UBAC2: variants seen among roughly 807,000 people sequenced by gnomAD.
UBAC2 encodes UBA domain containing 2.
In UBAC2, 26 loss-of-function variants were observed where a neutral mutation model predicts 44.0. The ratio of observed to expected loss-of-function variants is 0.59; its 90% CI spans 0.43 to 0.82. The LOEUF is 0.82. UBAC2 is among the 40% of genes least tolerant of loss of function. The probability of loss-of-function intolerance (pLI) is 0.00; values close to 1 mark genes in which losing one functional copy is unlikely to be tolerated. For missense variants in UBAC2, 329 were observed against 419.4 expected (o/e 0.78, Z 1.88); for synonymous variants, 155 against 154.3 (o/e 1.00, Z -0.04).
At chr13:99,283,776 C>G (rs1285080907) in intron 4 of UBAC2, among the ~76,000 whole-genome samples, 1 of 114,888 alleles carries the variant, frequency 8.7e-6, no homozygotes, top group African/African-American at 3.3e-5. Context: ...GCTCTTTTAC[C>G]CAGGCCAGAG....
chr13:99,345,343 A>C lies in UBAC2; in HGVS notation c.807+4778A>C, dbSNP rs2044957958. ...AGTTATCTCAGAAAAATGTCATTTT[A>C]TTGCACAGTGTAAGATGGACGGGGG... On this transcript the variant is annotated intron_variant, in intron 7 of 8. Coordinates refer to ENST00000403766, the MANE Select transcript of UBAC2 (RefSeq NM_001144072.2). 1.3e-5 allele frequency among the ~76,000 whole-genome samples: 2 copies of C among 152,116 alleles called. 1 individual carries two copies. Among genetic ancestry groups the C allele is most frequent in the African/African-American group, 4.8e-5 (2 of 41,376 alleles).
intron 1 of UBAC2, among the ~76,000 whole-genome samples, chr13:99,227,227 G>A (rs2043120798): frequency 6.6e-6 from 1 of 151,706 alleles, no homozygotes. Context: ...AAAAAAGACG[G>A]CACCCCTCCT....
intron 1 of UBAC2, among the ~76,000 whole-genome samples, chr13:99,210,560 C>G (rs1430297602): frequency 6.7e-6 from 1 of 148,712 alleles, no homozygotes; most frequent in Non-Finnish European, 1.5e-5. Flanking sequence ...TTGCTGCAAC[C>G]TCCGCCTCCT....
Position 99,292,296 on chromosome 13 carries a change from C to T in UBAC2, c.390-21801C>T, listed in dbSNP as rs538970678. On this transcript the variant is annotated intron_variant, in intron 4 of 8. Transcript: ENST00000403766. ...GACTACAGGCGCCCACCACCACGCC[C>T]AGCTAATTTTTTTTTTTTTGTATTT... 3.4e-5 allele frequency among the ~76,000 whole-genome samples: 5 copies of T among 149,102 alleles called. No homozygotes were observed. In the South Asian group the frequency reaches 8.5e-4, roughly 25 times the overall value.
chr13:99,363,250 T>A (rs2045289082), intron 7 of UBAC2, among the ~76,000 whole-genome samples: 1 of 152,212 alleles, frequency 6.6e-6, no homozygotes, highest in South Asian at 2.1e-4. Flanking sequence ...AGTCTAATAG[T>A]AAGTCCTAAT....
chr13:99,228,581 A>T (rs2043138161), intron 1 of UBAC2, among the ~76,000 whole-genome samples: 1 of 152,226 alleles, frequency 6.6e-6, no homozygotes, highest in South Asian at 2.1e-4. Context: ...GGCATGAGCC[A>T]CTGTGCCCAG....
At chr13:99,265,089 T>C (rs919069579) in intron 4 of UBAC2, among the ~76,000 whole-genome samples, 6 of 152,328 alleles carry the variant, frequency 3.9e-5, no homozygotes, top group African/African-American at 1.4e-4. Context: ...GTGTTGTTTT[T>C]TTCTTGGTAA....
At chr13:99,280,821 T>TC (rs749872494) in intron 4 of UBAC2, among the ~76,000 whole-genome samples, 2 of 138,594 alleles carry the variant, frequency 1.4e-5, no homozygotes, top group Non-Finnish European at 1.6e-5. Context: ...CTTCCTTCCT[T>TC]CTTCTTTCCC....
intron 4 of UBAC2, among the ~76,000 whole-genome samples, chr13:99,246,064 T>G (rs900339801): frequency 3.9e-5 from 6 of 152,230 alleles, no homozygotes; most frequent in Non-Finnish European, 5.9e-5. Context: ...TGAGAACTAT[T>G]AAGCTACTGT....
chr13:99,273,876 T>C (rs1460999215), intron 4 of UBAC2, among the ~76,000 whole-genome samples: 1 of 151,886 alleles, frequency 6.6e-6, no homozygotes, highest in Non-Finnish European at 1.5e-5. Context: ...TTTTTTTTTT[T>C]TTCCTGCTTT....
At chr13:99,213,597 T>G (rs2142661652) in intron 1 of UBAC2, among the ~76,000 whole-genome samples, 1 of 152,244 alleles carries the variant, frequency 6.6e-6, no homozygotes, top group Non-Finnish European at 1.5e-5. Context: ...TGACCTCAGG[T>G]GATCCGCACG....
chr13:99,242,578 G>A (rs1197371929), intron 2 of UBAC2, among the ~76,000 whole-genome samples: 56 of 137,726 alleles, frequency 4.1e-4, no homozygotes, highest in Non-Finnish European at 5.0e-4. Context: ...CAGTAGGGGC[G>A]GCCGGGCAGA....
intron 1 of UBAC2, among the ~76,000 whole-genome samples, chr13:99,214,223 G>GTTT (rs143401786): frequency 8.0e-6 from 1 of 125,674 alleles, no homozygotes; most frequent in African/African-American, 2.9e-5. Context: ...TCTTTGGTTT[G>GTTT]TTTTTTTTTT....
chr13:99,325,645 G>T (rs114399580), intron 6 of UBAC2, among the ~76,000 whole-genome samples: 29 of 152,158 alleles, frequency 1.9e-4, no homozygotes, highest in Admixed American at 2.6e-4. Flanking sequence ...GGAGCTTATC[G>T]CTCTTGCTTA....
chr13:99,255,876 A>T (rs2043545598), intron 4 of UBAC2: 1 of 1,543,172 alleles, frequency 6.5e-7, no homozygotes, highest in African/African-American at 1.4e-5. Flanking sequence ...TGATCATTTT[A>T]CAGCTTGTTG....
chr13:99,374,553 A>G (rs1189587771), intron 8 of UBAC2, among the ~76,000 whole-genome samples: 2 of 152,242 alleles, frequency 1.3e-5, no homozygotes, highest in Non-Finnish European at 2.9e-5. Flanking sequence ...GCTGATAAAT[A>G]GCAAAATGTA....
At chr13:99,323,283 A>C (rs930076618) in intron 6 of UBAC2, among the ~76,000 whole-genome samples, 5 of 152,280 alleles carry the variant, frequency 3.3e-5, no homozygotes, top group African/African-American at 1.2e-4. Context: ...AGTTCATTGA[A>C]AATGAGGACA....
At chr13:99,235,978 T>C (rs969402098) in intron 1 of UBAC2, among the ~76,000 whole-genome samples, 1 of 151,870 alleles carries the variant, frequency 6.6e-6, no homozygotes, top group Non-Finnish European at 1.5e-5. Flanking sequence ...AAAAAAAAAA[T>C]TGTGCTGGTA....
chr13:99,276,915 G>T (rs2043890907), intron 4 of UBAC2, among the ~76,000 whole-genome samples: 1 of 152,142 alleles, frequency 6.6e-6, no homozygotes, highest in Admixed American at 6.5e-5. Flanking sequence ...AGTTCAGGGG[G>T]TGGCTGTGCA....
Sources: allele counts gnomAD v4.1 joint callset (sites outside exome capture counted in the v4.1 genomes callset), GRCh38; gene constraint gnomAD v4.1.1; transcripts MANE v1.5; gene names NCBI Gene and HGNC (gene_info 2026-07-23, HGNC 2026-07-21).